Variants in ASAP2 observed in about 807,000 individuals in gnomAD.
The protein encoded by ASAP2 is ArfGAP with SH3 domain, ankyrin repeat and PH domain 2, also known as arf-GAP with SH3 domain, ANK repeat and PH domain-containing protein 2.
Under a neutral mutation model 131.4 loss-of-function variants are expected in ASAP2, and 45 were observed. That is an observed-to-expected ratio of 0.34 (90% CI 0.27 to 0.44). ASAP2 has a LOEUF of 0.44. Ranked by LOEUF, ASAP2 falls within the 20% of genes least tolerant of loss-of-function variation. The probability of loss-of-function intolerance (pLI) is 1.00; values close to 1 mark genes in which losing one functional copy is unlikely to be tolerated. For synonymous variants in ASAP2, 510 were observed against 503.0 expected (o/e 1.01, Z -0.19); for missense variants, 1,011 against 1,297.0 (o/e 0.78, Z 3.39).
intron 21 of ASAP2, among the ~76,000 whole-genome samples, chr2:9,387,461 C>A (rs544576694): frequency 2.0e-5 from 3 of 152,266 alleles, no homozygotes; most frequent in African/African-American, 7.2e-5. Context: ...TGTTTGCTAA[C>A]CCTAATTTGG....
At chr2:9,355,229 A>C (rs1672618812) in intron 12 of ASAP2, among the ~76,000 whole-genome samples, 1 of 152,194 alleles carries the variant, frequency 6.6e-6, no homozygotes, top group African/African-American at 2.4e-5. Context: ...AATTCTATCC[A>C]GAACCCCATG....
In ASAP2 at chr2:9,254,232, A is replaced by T. The variant is rs1229931590; in HGVS notation, c.127-25085A>T. Among the ~76,000 whole-genome samples, 204 of 64,562 alleles carry T rather than the reference A, an allele frequency of 3.2e-3. 2 individuals carry two copies. Among genetic ancestry groups the T allele is most frequent in the African/African-American group, 5.8e-3 (68 of 11,636 alleles). 42.4% of individuals were successfully genotyped at this position (64,562 alleles called of 152,430 possible). On this transcript the variant is annotated intron_variant, in intron 1 of 27. Coordinates refer to ENST00000281419, the MANE Select transcript of ASAP2 (RefSeq NM_003887.3). ...TCAAAAAAAAAAAAAAAAAAAAAAA[A>T]AAAAATATATATATATATATATACA...
chr2:9,244,822 A>G (rs1464175467), intron 1 of ASAP2, among the ~76,000 whole-genome samples: 1 of 152,248 alleles, frequency 6.6e-6, no homozygotes, highest in Non-Finnish European at 1.5e-5. Context: ...TGTGAAGGCA[A>G]ACCCTTTTCA....
intron 24 of ASAP2, 88 bp from the exon 25 acceptor site, chr2:9,399,935 A>G: frequency 1.5e-6 from 2 of 1,376,528 alleles, no homozygotes; most frequent in Non-Finnish European, 2.1e-6. Flanking sequence ...TCTGAGCTTG[A>G]ACTCAGAAGG....
intron 1 of ASAP2, among the ~76,000 whole-genome samples, chr2:9,274,078 A>G (rs1454779455): frequency 6.6e-6 from 1 of 152,180 alleles, no homozygotes; most frequent in African/African-American, 2.4e-5. Context: ...GATCTCTTTC[A>G]CTGTAATAAT....
chr2:9,369,797 G>A (rs1379124576), intron 16 of ASAP2, among the ~76,000 whole-genome samples: 1 of 152,188 alleles, frequency 6.6e-6, no homozygotes, highest in Admixed American at 6.5e-5. Flanking sequence ...TGTCTTTAAG[G>A]GTGGTTTCAC....
At chr2:9,228,274 A>G (rs2709561) in intron 1 of ASAP2, among the ~76,000 whole-genome samples, 3,315 of 152,284 alleles carry the variant, frequency 0.022, 113 homozygotes, top group African/African-American at 0.076. Flanking sequence ...TCAGTGTTAA[A>G]AATATACTTA....
intron 1 of ASAP2, among the ~76,000 whole-genome samples, chr2:9,216,105 C>T (rs995204097): frequency 9.2e-5 from 14 of 152,090 alleles, no homozygotes; most frequent in Non-Finnish European, 2.1e-4. Flanking sequence ...TTTGACTCTG[C>T]AGGGCAAGTT....
chr2:9,260,779 C>T (rs1034337525), intron 1 of ASAP2, among the ~76,000 whole-genome samples: 1 of 152,090 alleles, frequency 6.6e-6, no homozygotes, highest in African/African-American at 2.4e-5. Context: ...AAATGAAAGA[C>T]TAAAGATAGC....
intron 7 of ASAP2, among the ~76,000 whole-genome samples, chr2:9,334,030 G>GTC (rs1671017445): frequency 1.5e-5 from 2 of 132,640 alleles, no homozygotes; most frequent in African/African-American, 5.7e-5. Flanking sequence ...CTCTGTCTCT[G>GTC]TCTTTCTCCT....
intron 1 of ASAP2, among the ~76,000 whole-genome samples, chr2:9,219,064 G>T (rs1357882362): frequency 6.6e-6 from 1 of 152,174 alleles, no homozygotes; most frequent in Non-Finnish European, 1.5e-5. Context: ...TGCTGCTTTC[G>T]TTGGTCTCTT....
intron 1 of ASAP2, among the ~76,000 whole-genome samples, chr2:9,230,843 A>G (rs936636952): frequency 1.3e-5 from 2 of 152,186 alleles, no homozygotes; most frequent in Non-Finnish European, 2.9e-5. Flanking sequence ...GGGAGCAGCA[A>G]TGTCTTTAAT....
At chr2:9,259,658 G>A (rs942953402) in intron 1 of ASAP2, among the ~76,000 whole-genome samples, 1 of 152,232 alleles carries the variant, frequency 6.6e-6, no homozygotes, top group Admixed American at 6.5e-5. Flanking sequence ...CCCCTGCCCC[G>A]AGGCTGGACC....
In ASAP2 at chr2:9,255,610, A is replaced by G. The variant is rs547625995; in HGVS notation, c.127-23707A>G. Among the ~76,000 whole-genome samples the G allele has an allele frequency of 2.0e-5, 3 of 152,340 alleles. No homozygotes were observed. In the South Asian group the frequency reaches 6.2e-4, roughly 32 times the overall value. On this transcript the variant is annotated intron_variant, in intron 1 of 27. Transcript: ENST00000281419. The stretch of plus-strand genomic sequence containing the variant: ...TCGGCAGATGGTGTCGTCAGAGATT[A>G]TGGAGTTCAAGCCACCTAGCTTTAC...
At chr2:9,211,711 T>A (rs1439623185) in intron 1 of ASAP2, among the ~76,000 whole-genome samples, 2 of 152,178 alleles carry the variant, frequency 1.3e-5, no homozygotes, top group Non-Finnish European at 2.9e-5. Flanking sequence ...GCCTGCAGGC[T>A]CCCAGGGGCC....
At chr2:9,216,282 A>ATT (rs113751391) in intron 1 of ASAP2, among the ~76,000 whole-genome samples, 15 of 123,754 alleles carry the variant, frequency 1.2e-4, no homozygotes, top group East Asian at 7.0e-4. Flanking sequence ...GTCAGTTCAT[A>ATT]TTTTTTTTTT....
intron 1 of ASAP2, among the ~76,000 whole-genome samples, chr2:9,214,224 TTTTTC>T (rs1661817987): frequency 6.6e-6 from 1 of 152,164 alleles, no homozygotes; most frequent in Non-Finnish European, 1.5e-5. Flanking sequence ...CCAGGTACTT[TTTTTC>T]TTTTCTTTTT....
intron 16 of ASAP2, among the ~76,000 whole-genome samples, chr2:9,369,503 C>T (rs1673764857): frequency 6.6e-6 from 1 of 152,086 alleles, no homozygotes; most frequent in Admixed American, 6.5e-5. Context: ...TATTATGGCT[C>T]TTATGTCTAT....
intron 1 of ASAP2, among the ~76,000 whole-genome samples, chr2:9,260,958 G>T (rs1665537792): frequency 6.6e-6 from 1 of 152,172 alleles, no homozygotes; most frequent in African/African-American, 2.4e-5. Flanking sequence ...GGGGGGTTGT[G>T]CCTGTGTCCC....
Sources: allele counts gnomAD v4.1 joint callset (sites outside exome capture counted in the v4.1 genomes callset), GRCh38; gene constraint gnomAD v4.1.1; transcripts MANE v1.5; gene names NCBI Gene and HGNC (gene_info 2026-07-23, HGNC 2026-07-21).